The following ATF6 variants were observed in gnomAD, a reference collection of about 807,000 sequenced individuals.
The protein encoded by ATF6 is activating transcription factor 6.
A neutral mutation model predicts 83.6 loss-of-function variants in ATF6; 53 were observed. The observed-to-expected ratio is 0.63, with a 90% CI of 0.51 to 0.80. The LOEUF is 0.80. ATF6 is among the 30% of genes least tolerant of loss of function. ATF6 has a pLI of 0.00. For synonymous variants in ATF6, 288 were observed against 285.8 expected, an observed-to-expected ratio of 1.01 and a Z score of -0.08; for missense variants, 744 against 797.9, an observed-to-expected ratio of 0.93 and a Z score of 0.81.
intron 1 of ATF6, 43 bp downstream of exon 1, chr1:161,766,485 G>C: frequency 6.3e-7 from 1 of 1,590,504 alleles, no homozygotes; most frequent in South Asian, 1.1e-5. Context: ...TCGGGTTCGC[G>C]TCTAAAGGTT....
chr1:161,926,640 C>G (rs992264004), intron 15 of ATF6, among the ~76,000 whole-genome samples: 63 of 152,062 alleles, frequency 4.1e-4, no homozygotes, highest in Non-Finnish European at 3.2e-4. Context: ...GACCAACCCT[C>G]GTACATTGTG....
intron 15 of ATF6, among the ~76,000 whole-genome samples, chr1:161,926,512 TC>T (rs1446763665): frequency 3.9e-5 from 6 of 152,224 alleles, no homozygotes; most frequent in Non-Finnish European, 8.8e-5. Context: ...AAGCAACTGT[TC>T]CGTAAGAGTG....
chr1:161,958,593 C>T lies in ATF6; in HGVS notation c.1952C>T (p.Ser651Phe). The change falls in exon 16 of 16, where the codon TCC becomes TTC. Residue 651 changes from serine to phenylalanine, a missense_variant. Ser to Phe is a radical substitution (Grantham distance 155). Coordinates refer to ENST00000367942, the MANE Select transcript of ATF6 (RefSeq NM_007348.4). ...QRNQTNTFFG[S>F]PPAATEATHV... ...AATCAAACCAACACCTTCTTTGGCTCCCCTCCCGCAGCCACAGAGGCAACC... is the reference window on the plus strand; with the variant it reads ...AATCAAACCAACACCTTCTTTGGCTTCCCTCCCGCAGCCACAGAGGCAACC... 1.2e-6 allele frequency: 2 copies of T among 1,613,992 alleles called. No homozygotes were observed. The highest frequency in any genetic ancestry group is 1.7e-6 in the Non-Finnish European group (2 of 1,179,964).
chr1:161,799,931 A>G (rs536138529), intron 6 of ATF6, among the ~76,000 whole-genome samples: 4 of 152,206 alleles, frequency 2.6e-5, no homozygotes, highest in East Asian at 1.9e-4. Flanking sequence ...GTCTGAAAGC[A>G]TAATGCTTTT....
intron 1 of ATF6, 35 bp from the exon 2 acceptor site, chr1:161,778,209 G>C: frequency 6.4e-7 from 1 of 1,559,432 alleles, no homozygotes; most frequent in Non-Finnish European, 8.8e-7. Context: ...TAATTGAATT[G>C]ACAGTTCATT....
At chr1:161,948,275 T>G (rs1688794082) in intron 15 of ATF6, among the ~76,000 whole-genome samples, 1 of 152,238 alleles carries the variant, frequency 6.6e-6, no homozygotes, top group African/African-American at 2.4e-5. Context: ...CTTAGTACTT[T>G]GTTAGACAGC....
chr1:161,837,148 A>T (rs1328520094), intron 9 of ATF6, among the ~76,000 whole-genome samples: 1 of 152,234 alleles, frequency 6.6e-6, no homozygotes, highest in African/African-American at 2.4e-5. Context: ...TAATTTTGTA[A>T]CAAGTGAAGG....
rs140009168 is a variant in ATF6 at position 161,863,320 on chromosome 1, C to A, written c.1719+8C>A. ...GTTGTGTCATTTCGAAGGGTAAGTT[C>A]ATCTTGAAAGAATAGAGCAAATATT... is the stretch of plus-strand genomic sequence containing the variant. On this transcript the variant is annotated splice_region_variant and intron_variant, in intron 14 of 15. Transcript: ENST00000367942. The A allele has an allele frequency of 3.8e-4, 594 of 1,575,384 alleles. 2 individuals carry two copies. In the East Asian group the frequency reaches 0.013, roughly 34 times the overall value.
At position 161,912,342 on chromosome 1, in the gene ATF6, CA is replaced by C; in HGVS notation, c.1771del (p.Met591CysfsTer8). 6.2e-7 allele frequency: 1 copy of C among 1,609,916 alleles called. No homozygotes were observed. The highest frequency in any genetic ancestry group is 1.7e-5 in the Admixed American group (1 of 59,376). On this transcript the variant is annotated frameshift_variant, in exon 15 of 16. Coordinates refer to ENST00000367942, the MANE Select transcript of ATF6 (RefSeq NM_007348.4). LOFTEE classifies it high-confidence loss of function. ...ACCACCCATAACAAGACCACAAGACCAAAAATGTCAATTGTGTTACCAGCAA... is the reference window on the plus strand; with the variant it reads ...ACCACCCATAACAAGACCACAAGACCAAAATGTCAATTGTGTTACCAGCAA... ...PATTHNKTTR[P>X]KMSIVLPAIN...
At chr1:161,924,635 A>G (rs1486923621) in intron 15 of ATF6, among the ~76,000 whole-genome samples, 1 of 152,210 alleles carries the variant, frequency 6.6e-6, no homozygotes, top group East Asian at 1.9e-4. Context: ...TAGTGAGACA[A>G]ATGTAACCTG....
intron 1 of ATF6, among the ~76,000 whole-genome samples, chr1:161,777,210 C>T (rs1684536313): frequency 6.6e-6 from 1 of 152,122 alleles, no homozygotes; most frequent in African/African-American, 2.4e-5. Flanking sequence ...ATGAGAGAGC[C>T]AGATAGAGAA....
In ATF6 at chr1:161,802,044, T is replaced by TA; in HGVS notation, c.689-6dup. On this transcript the variant is annotated splice_region_variant and splice_polypyrimidine_tract_variant and intron_variant, in intron 6 of 15. Coordinates refer to ENST00000367942, the MANE Select transcript of ATF6 (RefSeq NM_007348.4). ...ACCCTTTGATTCCTTTTCTTTTTTC[T>TA]AACGCAGGCCAGACGGTTTTGCTGT... 6.2e-7 allele frequency: 1 copy of TA among 1,613,852 alleles called. No homozygotes were observed. The highest frequency in any genetic ancestry group is 8.5e-7 in the Non-Finnish European group (1 of 1,179,876).
intron 15 of ATF6, among the ~76,000 whole-genome samples, chr1:161,929,051 G>A (rs1688380618): frequency 6.6e-6 from 1 of 152,218 alleles, no homozygotes; most frequent in East Asian, 1.9e-4. Context: ...TTAAGAACCT[G>A]ATGGGTGCTA....
At chr1:161,814,582 G>T (rs753709985) in intron 7 of ATF6, among the ~76,000 whole-genome samples, 8 of 152,196 alleles carry the variant, frequency 5.3e-5, no homozygotes, top group Non-Finnish European at 1.2e-4. Flanking sequence ...CAGGTTGCCA[G>T]TATGAAGCTT....
intron 14 of ATF6, chr1:161,890,865 G>A (rs1217606602): frequency 6.6e-6 from 1 of 152,444 alleles, no homozygotes; most frequent in South Asian, 2.1e-4. Context: ...CGGCGGCGAG[G>A]CCCAAGCACA....
chr1:161,944,078 GATA>G (rs1359650741), intron 15 of ATF6, among the ~76,000 whole-genome samples: 1 of 152,160 alleles, frequency 6.6e-6, no homozygotes, highest in African/African-American at 2.4e-5. Flanking sequence ...TCCCCAAAAT[GATA>G]TGGTATAGCA....
chr1:161,862,024 T>C (rs745353524), intron 13 of ATF6, among the ~76,000 whole-genome samples: 6 of 152,298 alleles, frequency 3.9e-5, no homozygotes, highest in Middle Eastern at 3.4e-3. Flanking sequence ...AGAAGGTATC[T>C]CTAAACAGAA....
chr1:161,937,375 C>T (rs1018917055), intron 15 of ATF6, among the ~76,000 whole-genome samples: 1 of 149,534 alleles, frequency 6.7e-6, no homozygotes, highest in Non-Finnish European at 1.5e-5. Flanking sequence ...AAAAAATCAC[C>T]TTAATGCCTT....
chr1:161,894,140 C>A (rs992779330), intron 14 of ATF6, among the ~76,000 whole-genome samples: 36 of 151,450 alleles, frequency 2.4e-4, no homozygotes, highest in Non-Finnish European at 4.4e-4. Context: ...ATATGGTATC[C>A]AATGTGAATC....
Sources: gnomAD v4.1 joint callset for allele counts (sites outside exome capture counted in the v4.1 genomes callset) on GRCh38, gnomAD v4.1.1 for gene constraint, MANE v1.5 for transcripts, NCBI Gene and HGNC (gene_info 2026-07-23, HGNC 2026-07-21) for gene names.